The following WDR37 variants were observed in gnomAD, a reference collection of about 807,000 sequenced individuals.
The protein encoded by WDR37 is WD repeat-containing protein 37.
In WDR37, 19 loss-of-function variants were observed where a neutral mutation model predicts 62.9. The ratio of observed to expected loss-of-function variants is 0.30; its 90% CI spans 0.21 to 0.44. The LOEUF is 0.44. Among genes scored for constraint, WDR37 ranks in the 20% least tolerant of loss-of-function variants. The probability of loss-of-function intolerance (pLI) is 1.00; values close to 1 mark genes in which losing one functional copy is unlikely to be tolerated. For missense variants in WDR37, 474 were observed against 657.6 expected (o/e 0.72, Z 3.05); for synonymous variants, 250 against 260.9 (o/e 0.96, Z 0.40).
chr10:1,103,896 G>T lies in WDR37; in HGVS notation c.961+60G>T. On this transcript the variant is annotated intron_variant, in intron 10 of 13. Transcript: ENST00000263150. The surrounding 1 kb of genome is among the most constrained non-coding windows in gnomAD (Gnocchi z 6.3). Reference sequence around the variant, plus strand: ...TGTGCATGTTAGTTTATGTCCATGGGTTATGTCTGACCTTGCCACTTACTT... The same window carrying T: ...TGTGCATGTTAGTTTATGTCCATGGTTTATGTCTGACCTTGCCACTTACTT... 6.5e-7 allele frequency: 1 copy of T among 1,539,064 alleles called. No homozygotes were observed. Among genetic ancestry groups the T allele is most frequent in the Non-Finnish European group, 8.9e-7 (1 of 1,126,434 alleles).
intron 11 of WDR37, among the ~76,000 whole-genome samples, chr10:1,109,022 T>G (rs923821658): frequency 7.2e-5 from 11 of 152,342 alleles, no homozygotes; most frequent in Admixed American, 5.2e-4. Context: ...GGCCGAAGAA[T>G]TCTGTCCAGA....
chr10:1,099,123 A>G (rs1316672701), intron 9 of WDR37, among the ~76,000 whole-genome samples: 2 of 152,270 alleles, frequency 1.3e-5, no homozygotes, highest in African/African-American at 4.8e-5. Flanking sequence ...CCATAAATTC[A>G]TAAAATTCTT....
intron 11 of WDR37, among the ~76,000 whole-genome samples, chr10:1,116,149 C>T (rs886383644): frequency 5.3e-5 from 8 of 152,092 alleles, no homozygotes; most frequent in Non-Finnish European, 1.0e-4. Flanking sequence ...TCATCCACCC[C>T]GCCCCAGGTC....
chr10:1,118,859 G>C (rs1319106185), intron 11 of WDR37, among the ~76,000 whole-genome samples: 3 of 152,194 alleles, frequency 2.0e-5, no homozygotes, highest in Admixed American at 6.5e-5. Context: ...TCTCTGTTGA[G>C]TGTTTTGTTT....
At chr10:1,124,435 T>C in intron 12 of WDR37, 83 bp downstream of exon 12, 1 of 1,574,942 alleles carries the variant, frequency 6.3e-7, no homozygotes, top group Non-Finnish European at 8.7e-7. Context: ...TTCATGGAGG[T>C]TTAATTGATA....
chr10:1,063,174 C>T (rs1374250088), intron 1 of WDR37, among the ~76,000 whole-genome samples: 1 of 152,058 alleles, frequency 6.6e-6, no homozygotes, highest in South Asian at 2.1e-4. Flanking sequence ...AAACTTAGTT[C>T]TGTGAGTTTT....
intron 11 of WDR37, among the ~76,000 whole-genome samples, chr10:1,110,919 G>A (rs542081213): frequency 6.6e-6 from 1 of 152,218 alleles, no homozygotes; most frequent in Non-Finnish European, 1.5e-5. Context: ...CTGCTCATCC[G>A]GGAAGTAGCT....
At position 1,096,254 on chromosome 10, in the gene WDR37, C is replaced by G. The variant is rs375864539; in HGVS notation, c.726+8C>G. ...CCTGTTGCTGACACTAGTGTAAGCACCTTTCCTTACCTGTGAATGTGTAGG... is the reference window on the plus strand; with the variant it reads ...CCTGTTGCTGACACTAGTGTAAGCAGCTTTCCTTACCTGTGAATGTGTAGG... On this transcript the variant is annotated splice_region_variant and intron_variant, in intron 9 of 13. Transcript: ENST00000263150. 12 of 1,613,496 alleles carry G rather than the reference C, an allele frequency of 7.4e-6. No homozygotes were observed. Among genetic ancestry groups the G allele is most frequent in the Non-Finnish European group, 7.6e-6 (9 of 1,179,428 alleles).
At position 1,129,679 on chromosome 10, in the gene WDR37, T is replaced by A; in HGVS notation, c.*335T>A. 5.1e-6 allele frequency: 1 copy of A among 195,348 alleles called. No homozygotes were observed. 12.1% of individuals were successfully genotyped at this position (195,348 alleles called of 1,614,324 possible). ...CATTTGTGTGAATTAAATGTGAACT[T>A]CTGTATTACGTTGCGGCGTCGGCAG... On this transcript the variant is annotated 3_prime_UTR_variant, in exon 14 of 14. Coordinates refer to ENST00000263150, the MANE Select transcript of WDR37 (RefSeq NM_014023.4).
chr10:1,132,085 G>A lies in WDR37; in HGVS notation c.*2741G>A, dbSNP rs958731992. The stretch of plus-strand genomic sequence containing the variant: ...CCATGGAATCAGTTTTTATTGTATC[G>A]ATATAATTGTCTCTAAGTGTTGACT... On this transcript the variant is annotated 3_prime_UTR_variant, in exon 14 of 14. Coordinates refer to ENST00000263150, the MANE Select transcript of WDR37 (RefSeq NM_014023.4). 2 of 152,558 alleles carry A rather than the reference G, an allele frequency of 1.3e-5. No individual in the cohort carries two copies. Among genetic ancestry groups the A allele is most frequent in the African/African-American group, 2.4e-5 (1 of 41,426 alleles). The allele number at this position is 152,558 out of a possible 1,614,324, so 9.5% of individuals were successfully genotyped here. A position where few individuals can be genotyped will look rare whatever the true frequency, so the allele number is the denominator to read the frequency against.
chr10:1,124,124 C>A, intron 11 of WDR37, 94 bp from the exon 12 acceptor site: 2 of 1,561,996 alleles, frequency 1.3e-6, no homozygotes, highest in South Asian at 1.2e-5. Context: ...CTTCTCCGAC[C>A]TCCTTCCCAC....
At chr10:1,125,187 T>C in intron 13 of WDR37, 163 bp downstream of exon 13, 1 of 846,344 alleles carries the variant, frequency 1.2e-6, no homozygotes, top group Non-Finnish European at 1.4e-6. Flanking sequence ...AGAAGTAGAG[T>C]TGTACACTCA....
chr10:1,068,699 AAAC>A (rs1290106339), intron 1 of WDR37, among the ~76,000 whole-genome samples: 1 of 152,198 alleles, frequency 6.6e-6, no homozygotes, highest in African/African-American at 2.4e-5. Flanking sequence ...TCTTAGAAAA[AAAC>A]CACAAAAACT....
chr10:1,125,021 A>G lies in WDR37; in HGVS notation c.1350A>G (p.Arg450=), dbSNP rs773997077. The G allele has an allele frequency of 2.5e-6, 4 of 1,614,254 alleles. No homozygotes were observed. The East Asian group carries it at 8.9e-5, about 36-fold the overall frequency. ...TGGCGCGGCTTCCCCGGAGCAGCCGACAGGTAACAGCACGGTCGGTGAACA... is the reference window on the plus strand; with the variant it reads ...TGGCGCGGCTTCCCCGGAGCAGCCGGCAGGTAACAGCACGGTCGGTGAACA... ...VRLARLPRSS[R]QGHRRMVCCS... is the part of the protein sequence containing the mutation. Residue 450 remains arginine (R), a synonymous_variant, in exon 13 of 14, where the codon CGA becomes CGG. Coordinates refer to ENST00000263150, the MANE Select transcript of WDR37 (RefSeq NM_014023.4).
chr10:1,084,309 C>T, intron 5 of WDR37, 94 bp from the exon 6 acceptor site: 3 of 1,471,278 alleles, frequency 2.0e-6, no homozygotes, highest in East Asian at 4.6e-5. Flanking sequence ...GTGATTTGTG[C>T]ATTTTCCAAG....
intron 2 of WDR37, 134 bp downstream of exon 2, chr10:1,072,427 G>T (rs577027121): frequency 8.1e-7 from 1 of 1,237,456 alleles, no homozygotes; most frequent in Admixed American, 2.2e-5. Context: ...TGATTCTCCT[G>T]CCTCAGCCTA....
chr10:1,100,424 A>G (rs1186363221), intron 9 of WDR37, among the ~76,000 whole-genome samples: 1 of 148,010 alleles, frequency 6.8e-6, no homozygotes, highest in Non-Finnish European at 1.5e-5. Context: ...TTAGGTGGAA[A>G]GCAGTTTTGT....
rs73578521 is a variant in WDR37 at position 1,070,504 on chromosome 10, C to T, written c.-40-1612C>T. 3.0e-3 allele frequency among the ~76,000 whole-genome samples: 463 copies of T among 152,184 alleles called. 1 individual carries two copies. The highest frequency in any genetic ancestry group is 0.01 in the African/African-American group (423 of 41,534). On this transcript the variant is annotated intron_variant, in intron 1 of 13. Transcript: ENST00000263150. ...AGAAGAGATATTTAGAAAAATGCTA[C>T]GACTTCCTTGAATTCTAAGGTTAAA... is the stretch of plus-strand genomic sequence containing the variant.
At chr10:1,126,762 C>T (rs1015085266) in intron 13 of WDR37, among the ~76,000 whole-genome samples, 1 of 152,204 alleles carries the variant, frequency 6.6e-6, no homozygotes, top group Non-Finnish European at 1.5e-5. Context: ...CTCAGCGCAG[C>T]AACACCTTTT....
Sources: allele counts gnomAD v4.1 joint callset (sites outside exome capture counted in the v4.1 genomes callset), GRCh38; gene constraint gnomAD v4.1.1; non-coding constraint Gnocchi (gnomAD v3.1); transcripts MANE v1.5; gene names NCBI Gene and HGNC (gene_info 2026-07-23, HGNC 2026-07-21).